The following COL5A1 variants were observed in gnomAD, a reference collection of about 807,000 sequenced individuals.
The protein encoded by COL5A1 is collagen alpha-1(V) chain.
COL5A1 carries 16 observed loss-of-function variants against 263.7 expected under a neutral mutation model. That is an observed-to-expected ratio of 0.06 (90% confidence interval 0.04 to 0.09). The LOEUF is 0.09. Among genes scored for constraint, COL5A1 ranks in the 10% least tolerant of loss-of-function variants. COL5A1 has a pLI of 1.00. For missense variants in COL5A1, 2,036 were observed against 2,540.5 expected, an observed-to-expected ratio of 0.80 and a Z score of 4.27; for synonymous variants, 1,012 against 1,004.5, an observed-to-expected ratio of 1.01 and a Z score of -0.14.
intron 64 of COL5A1, among the ~76,000 whole-genome samples, chr9:134,831,969 T>C (rs546304424): frequency 5.9e-5 from 9 of 152,282 alleles, no homozygotes; most frequent in Admixed American, 1.3e-4. Flanking sequence ...CTCTCAAAGA[T>C]ACCCAGATTT....
chr9:134,824,696 G>A lies in COL5A1; in HGVS notation c.4795G>A (p.Glu1599Lys), dbSNP rs149212775. The change falls in exon 62 of 66, where the codon GAG (glutamate) becomes AAG (lysine). Residue 1599 changes from glutamate (E) to lysine (K), a missense_variant. By Grantham distance (56) the Glu-to-Lys change is moderately conservative. Transcript: ENST00000371817. ...ASQLLDDGNGENYVDYADGME... is the reference protein window; with the variant it reads ...ASQLLDDGNGKNYVDYADGME... Reference sequence around the variant, plus strand: ...CCAGCTGCTGGACGACGGGAATGGCGAGAACTACGTGGACTACGCGGACGG... The same window carrying A: ...CCAGCTGCTGGACGACGGGAATGGCAAGAACTACGTGGACTACGCGGACGG... 1.3e-5 allele frequency: 21 copies of A among 1,614,120 alleles called. No homozygotes were observed. The highest frequency in any genetic ancestry group is 8.9e-5 in the East Asian group (4 of 44,896).
chr9:134,780,059 G>C (rs756190570), intron 27 of COL5A1, 43 bp from the exon 28 acceptor site: 1 of 1,611,444 alleles, frequency 6.2e-7, no homozygotes, highest in Admixed American at 1.7e-5. Context: ...GAAAGGCTGA[G>C]ACTTGTAACC....
intron 54 of COL5A1, 22 bp downstream of exon 54, chr9:134,817,853 C>T: frequency 6.3e-7 from 1 of 1,586,720 alleles, no homozygotes; most frequent in Non-Finnish European, 8.6e-7. Flanking sequence ...TGGAGCCAGG[C>T]TGTGACCGCG....
chr9:134,659,886 G>T (rs923620332), intron 1 of COL5A1, among the ~76,000 whole-genome samples: 1 of 152,198 alleles, frequency 6.6e-6, no homozygotes, highest in East Asian at 1.9e-4. Flanking sequence ...CATTTTAGCG[G>T]GAAGGAAAGA....
intron 11 of COL5A1, among the ~76,000 whole-genome samples, chr9:134,749,424 A>G (rs1372516434): frequency 6.6e-6 from 1 of 152,242 alleles, no homozygotes; most frequent in African/African-American, 2.4e-5. Context: ...AAGCCATTTC[A>G]CAAGAAATGG....
intron 1 of COL5A1, among the ~76,000 whole-genome samples, chr9:134,654,891 TG>T (rs1383762731): frequency 2.2e-4 from 20 of 92,138 alleles, no homozygotes; most frequent in African/African-American, 3.0e-4. Context: ...TGTGTAGGGC[TG>T]GGGGTGTGTA....
intron 4 of COL5A1, among the ~76,000 whole-genome samples, chr9:134,721,035 C>T (rs998662904): frequency 6.6e-6 from 1 of 152,144 alleles, no homozygotes; most frequent in Admixed American, 6.5e-5. Context: ...CCCAGGGTTC[C>T]GCGGGTGTCA....
Position 134,757,942 on chromosome 9 carries a change from A to G in COL5A1, c.1882-301A>G, listed in dbSNP as rs1040056125. 3.9e-5 allele frequency among the ~76,000 whole-genome samples: 6 copies of G among 152,066 alleles called. No individual in the cohort carries two copies. Among genetic ancestry groups the G allele is most frequent in the African/African-American group, 1.4e-4 (6 of 41,406 alleles). Reference sequence around the variant, plus strand: ...AGATCAGCAGCAGACACTCACACACACGGGAAACTGCAGCGGTCGCTGAAA... The same window carrying G: ...AGATCAGCAGCAGACACTCACACACGCGGGAAACTGCAGCGGTCGCTGAAA... On this transcript the variant is annotated intron_variant, in intron 17 of 65. Transcript: ENST00000371817. The surrounding 1 kb of genome is among the most constrained non-coding windows in gnomAD (Gnocchi z 6.2).
chr9:134,660,297 C>A (rs1448809071), intron 1 of COL5A1, among the ~76,000 whole-genome samples: 2 of 152,160 alleles, frequency 1.3e-5, no homozygotes, highest in African/African-American at 4.8e-5. Context: ...TAAAATGGAC[C>A]ATGAGTCCTA....
At chr9:134,661,186 C>G (rs766059642) in intron 1 of COL5A1, among the ~76,000 whole-genome samples, 3 of 151,106 alleles carry the variant, frequency 2.0e-5, no homozygotes, top group African/African-American at 7.3e-5. Flanking sequence ...GGGGAAGTGT[C>G]GGGGACACTA....
At chr9:134,774,643 T>C (rs926369113) in intron 26 of COL5A1, among the ~76,000 whole-genome samples, 2 of 152,180 alleles carry the variant, frequency 1.3e-5, no homozygotes, top group African/African-American at 4.8e-5. Flanking sequence ...CACCTCTGTG[T>C]CCCGCTCAGC....
intron 4 of COL5A1, among the ~76,000 whole-genome samples, chr9:134,713,458 C>T (rs1480877941): frequency 6.6e-6 from 1 of 152,240 alleles, no homozygotes; most frequent in Non-Finnish European, 1.5e-5. Flanking sequence ...GCATCTGTCA[C>T]TGTCCCATCA....
chr9:134,669,652 G>A (rs1564376712), intron 1 of COL5A1, among the ~76,000 whole-genome samples: 3 of 152,152 alleles, frequency 2.0e-5, no homozygotes, highest in Non-Finnish European at 2.9e-5. Flanking sequence ...AGCAGCAGCC[G>A]ACGGTACAGT....
intron 11 of COL5A1, among the ~76,000 whole-genome samples, chr9:134,739,171 C>A (rs1467727023): frequency 6.6e-6 from 1 of 152,216 alleles, no homozygotes; most frequent in African/African-American, 2.4e-5. Flanking sequence ...GTGGAATTGG[C>A]CACCCCCCTT....
At position 134,789,217 on chromosome 9, in the gene COL5A1, A is replaced by T; in HGVS notation, c.2700+9A>T. ...GAGAGAAGGGCGGCAGGGTAAGGAT[A>T]GCCTGGCCCCTGGGCAGGCAGCTTG... On this transcript the variant is annotated intron_variant, in intron 32 of 65. Coordinates refer to ENST00000371817, the MANE Select transcript of COL5A1 (RefSeq NM_000093.5). The surrounding 1 kb of genome is among the most constrained non-coding windows in gnomAD (Gnocchi z 4.8). The T allele has an allele frequency of 6.2e-7, 1 of 1,612,308 alleles. No individual in the cohort carries two copies. Among genetic ancestry groups the T allele is most frequent in the Non-Finnish European group, 8.5e-7 (1 of 1,179,606 alleles).
At chr9:134,802,205 C>T (rs1048317093) in intron 38 of COL5A1, among the ~76,000 whole-genome samples, 198 bp downstream of exon 38, 1 of 152,250 alleles carries the variant, frequency 6.6e-6, no homozygotes, top group African/African-American at 2.4e-5. Context: ...TTGCCCTCAA[C>T]ACAAACCCAA....
chr9:134,773,526 C>T (rs575074526), intron 26 of COL5A1, among the ~76,000 whole-genome samples: 6 of 152,318 alleles, frequency 3.9e-5, no homozygotes, highest in South Asian at 2.1e-4. Flanking sequence ...TCATGGTCGT[C>T]GGGAGCCTGG....
chr9:134,780,286 A>T, intron 28 of COL5A1, 140 bp downstream of exon 28: 1 of 841,998 alleles, frequency 1.2e-6, no homozygotes, highest in Non-Finnish European at 2.0e-6. Flanking sequence ...GATGGATGCC[A>T]CTCTGTGGAA....
chr9:134,805,305 C>T, intron 41 of COL5A1, 91 bp downstream of exon 41: 3 of 1,439,796 alleles, frequency 2.1e-6, no homozygotes, highest in Middle Eastern at 3.5e-4. Flanking sequence ...CATGCAGCTG[C>T]CCCAGACCCC....
Sources: gnomAD v4.1 joint callset for allele counts (sites outside exome capture counted in the v4.1 genomes callset) on GRCh38, gnomAD v4.1.1 for gene constraint, Gnocchi (gnomAD v3.1) non-coding constraint, MANE v1.5 for transcripts, NCBI Gene and HGNC (gene_info 2026-07-23, HGNC 2026-07-21) for gene names.